HCN1: variants seen among roughly 807,000 people sequenced by gnomAD.
HCN1 encodes the protein hyperpolarization activated cyclic nucleotide gated potassium channel 1.
HCN1 carries 13 observed loss-of-function variants against 78.9 expected under a neutral mutation model. The observed-to-expected ratio is 0.16, with a 90% CI of 0.11 to 0.26. HCN1 has a LOEUF of 0.26. Ranked by LOEUF, HCN1 falls within the 10% of genes least tolerant of loss-of-function variation. The pLI is 1.00. For synonymous variants in HCN1, 552 were observed against 455.5 expected, an observed-to-expected ratio of 1.21 and a Z score of -2.70; for missense variants, 810 against 1,154.3, an observed-to-expected ratio of 0.70 and a Z score of 4.32.
intron 4 of HCN1, among the ~76,000 whole-genome samples, chr5:45,378,091 C>T (rs919996352): frequency 2.0e-5 from 3 of 151,850 alleles, no homozygotes; most frequent in Non-Finnish European, 4.4e-5. Flanking sequence ...GAGGGCACCA[C>T]AGAGATAATT....
At chr5:45,297,357 G>A (rs1181818353) in intron 6 of HCN1, among the ~76,000 whole-genome samples, 1 of 152,014 alleles carries the variant, frequency 6.6e-6, no homozygotes, top group Admixed American at 6.6e-5. Context: ...TTCCAGCTTG[G>A]GCATTAGGGC....
Position 45,504,979 on chromosome 5 carries a change from C to G in HCN1, c.850-42972G>C, listed in dbSNP as rs1204369579. On this transcript the variant is annotated intron_variant, in intron 2 of 7. Coordinates refer to ENST00000303230, the MANE Select transcript of HCN1 (RefSeq NM_021072.4). ...TTTTTCTTGTAAATTTGTTTGAGTT[C>G]ATTGTAGATTCTGGATATTAGCCCT... 2.6e-5 allele frequency among the ~76,000 whole-genome samples: 4 copies of G among 152,034 alleles called. 1 individual carries two copies. In the East Asian group the frequency reaches 7.7e-4, roughly 29 times the overall value.
At chr5:45,634,873 T>G (rs1268752133) in intron 2 of HCN1, among the ~76,000 whole-genome samples, 2 of 152,066 alleles carry the variant, frequency 1.3e-5, no homozygotes, top group Non-Finnish European at 2.9e-5. Flanking sequence ...ACATTTATCC[T>G]TCTCCTTAGT....
At position 45,375,099 on chromosome 5, in the gene HCN1, T is replaced by C. The variant is rs1200302245; in HGVS notation, c.1230+21393A>G. ...TTATATATAATTATATATAATATAA[T>C]ATTTTATAATATATAATATATTATA... is the stretch of plus-strand genomic sequence containing the variant. On this transcript the variant is annotated intron_variant, in intron 4 of 7. Transcript: ENST00000303230. 4.0e-5 allele frequency among the ~76,000 whole-genome samples: 5 copies of C among 125,518 alleles called. No individual in the cohort carries two copies. In the East Asian group the frequency reaches 8.4e-4, roughly 21 times the overall value. The allele number at this position is 125,518 out of a possible 152,430, so 82.3% of individuals were successfully genotyped here.
intron 2 of HCN1, among the ~76,000 whole-genome samples, chr5:45,500,083 T>C (rs1054170958): frequency 3.3e-5 from 5 of 152,192 alleles, no homozygotes; most frequent in East Asian, 3.8e-4. Flanking sequence ...AACAATGTTA[T>C]GCTTATTGGG....
At chr5:45,423,537 T>C (rs920325876) in intron 3 of HCN1, among the ~76,000 whole-genome samples, 3 of 152,228 alleles carry the variant, frequency 2.0e-5, no homozygotes, top group African/African-American at 7.2e-5. Flanking sequence ...ACATTCTACA[T>C]GTCTGGAAAA....
intron 4 of HCN1, among the ~76,000 whole-genome samples, chr5:45,385,642 G>GT (rs1322476238): frequency 6.7e-6 from 1 of 148,248 alleles, no homozygotes; most frequent in East Asian, 1.9e-4. Context: ...TATTTGCAAG[G>GT]TATGTTTCAG....
intron 4 of HCN1, among the ~76,000 whole-genome samples, chr5:45,376,492 G>T (rs1747680273): frequency 6.7e-6 from 1 of 150,158 alleles, no homozygotes; most frequent in South Asian, 2.1e-4. Flanking sequence ...TCTTGGACTT[G>T]TCAGCCTCCA....
intron 2 of HCN1, among the ~76,000 whole-genome samples, chr5:45,490,029 C>T (rs1741850791): frequency 6.6e-6 from 1 of 152,170 alleles, no homozygotes; most frequent in African/African-American, 2.4e-5. Flanking sequence ...GGCAAACCTA[C>T]TGACAATACT....
At chr5:45,569,614 G>A (rs1292293056) in intron 2 of HCN1, among the ~76,000 whole-genome samples, 1 of 151,842 alleles carries the variant, frequency 6.6e-6, no homozygotes, top group Non-Finnish European at 1.5e-5. Context: ...AATAAAAACT[G>A]CTCACTATAT....
rs80262121 is a variant in HCN1, at chr5:45,329,726, G to A, written c.1377+23374C>T. On this transcript the variant is annotated intron_variant, in intron 5 of 7. Transcript: ENST00000303230. ...TTATGTCCCACTGTAGAACCTTAGG[G>A]AAAATTATTTAAATTTTCATATTTC... Among the ~76,000 whole-genome samples, 281 of 151,256 alleles carry A rather than the reference G, an allele frequency of 1.9e-3. 3 individuals are homozygous for A. The East Asian group carries it at 0.019, about 10-fold the overall frequency.
chr5:45,471,097 G>T (rs897762673), intron 2 of HCN1, among the ~76,000 whole-genome samples: 2 of 151,816 alleles, frequency 1.3e-5, no homozygotes, highest in African/African-American at 4.8e-5. Context: ...GATACTTAAA[G>T]ACTTGACTCC....
intron 6 of HCN1, 32 bp from the exon 7 acceptor site, chr5:45,267,285 T>C (rs757041590): frequency 7.5e-6 from 12 of 1,607,972 alleles, no homozygotes; most frequent in Non-Finnish European, 1.0e-5. Flanking sequence ...AAGAATGACT[T>C]GTTTGATCAT....
intron 4 of HCN1, among the ~76,000 whole-genome samples, chr5:45,361,515 T>C (rs1475861045): frequency 1.3e-5 from 2 of 152,210 alleles, no homozygotes. Flanking sequence ...TTTCACCACA[T>C]TGGTTAGACT....
intron 5 of HCN1, among the ~76,000 whole-genome samples, chr5:45,322,662 T>C (rs566849611): frequency 5.3e-5 from 8 of 151,974 alleles, no homozygotes; most frequent in Admixed American, 5.3e-4. Flanking sequence ...AAATAAACTT[T>C]TGATTGCAAC....
At chr5:45,392,029 C>T (rs1236401299) in intron 4 of HCN1, among the ~76,000 whole-genome samples, 2 of 152,046 alleles carry the variant, frequency 1.3e-5, no homozygotes, top group East Asian at 3.9e-4. Flanking sequence ...TTTAAGGATC[C>T]TTAAGAGTTG....
At chr5:45,528,111 T>C (rs1359846260) in intron 2 of HCN1, among the ~76,000 whole-genome samples, 1 of 152,066 alleles carries the variant, frequency 6.6e-6, no homozygotes, top group African/African-American at 2.4e-5. Flanking sequence ...AAAATCTTTA[T>C]TCTCAGAGTA....
intron 6 of HCN1, among the ~76,000 whole-genome samples, chr5:45,288,911 C>CA (rs1443592343): frequency 6.6e-6 from 1 of 151,974 alleles, no homozygotes; most frequent in African/African-American, 2.4e-5. Flanking sequence ...AAGCTAGAGA[C>CA]AGAGTTGAAA....
chr5:45,655,429 AC>A (rs778894656), intron 1 of HCN1, among the ~76,000 whole-genome samples: 64 of 152,234 alleles, frequency 4.2e-4, no homozygotes, highest in Middle Eastern at 3.4e-3. Context: ...TTGATTTTGA[AC>A]CCAAGACCAA....
Sources: gnomAD v4.1 joint callset for allele counts (sites outside exome capture counted in the v4.1 genomes callset) on GRCh38, gnomAD v4.1.1 for gene constraint, MANE v1.5 for transcripts, NCBI Gene and HGNC (gene_info 2026-07-23, HGNC 2026-07-21) for gene names.